PLPPR1: variants seen among roughly 807,000 people sequenced by gnomAD.
The protein encoded by PLPPR1 is phospholipid phosphatase-related protein type 1.
PLPPR1 carries 10 observed loss-of-function variants against 33.1 expected under a neutral mutation model. The observed-to-expected ratio is 0.30, with a 90% CI of 0.19 to 0.51. PLPPR1 has a LOEUF of 0.51. Ranked by LOEUF, PLPPR1 falls within the 20% of genes least tolerant of loss-of-function variation. PLPPR1 has a pLI of 0.97. For missense variants in PLPPR1, 304 were observed against 408.1 expected (o/e 0.74, Z 2.20); for synonymous variants, 151 against 151.0 (o/e 1.00, Z 0.00).
intron 1 of PLPPR1, among the ~76,000 whole-genome samples, chr9:101,108,306 C>T (rs1564146691): frequency 6.6e-6 from 1 of 152,062 alleles, no homozygotes; most frequent in Non-Finnish European, 1.5e-5. Context: ...GTCTATGGAC[C>T]AGGAGTTGTC....
intron 1 of PLPPR1, among the ~76,000 whole-genome samples, chr9:101,146,365 G>C (rs1831521906): frequency 2.6e-5 from 4 of 152,138 alleles, no homozygotes. Flanking sequence ...CCTCTTATAA[G>C]GATACCTGAT....
intron 2 of PLPPR1, among the ~76,000 whole-genome samples, chr9:101,261,609 A>G (rs1827900394): frequency 6.6e-6 from 1 of 152,186 alleles, no homozygotes; most frequent in Non-Finnish European, 1.5e-5. Context: ...ATGCTCAACA[A>G]TGATAGACTG....
At chr9:101,214,509 G>T (rs945255399) in intron 2 of PLPPR1, among the ~76,000 whole-genome samples, 1 of 152,154 alleles carries the variant, frequency 6.6e-6, no homozygotes, top group African/African-American at 2.4e-5. Flanking sequence ...AAAATCTGGA[G>T]CTTAAATTTT....
At chr9:101,193,163 T>C (rs1428954140) in intron 2 of PLPPR1, among the ~76,000 whole-genome samples, 1 of 152,178 alleles carries the variant, frequency 6.6e-6, no homozygotes, top group Non-Finnish European at 1.5e-5. Flanking sequence ...AAAATGGGTC[T>C]GGCACTGGAG....
At chr9:101,067,977 T>C (rs1393683950) in intron 1 of PLPPR1, among the ~76,000 whole-genome samples, 2 of 152,112 alleles carry the variant, frequency 1.3e-5, no homozygotes, top group East Asian at 3.9e-4. Flanking sequence ...AGGCAAAGCA[T>C]ATGCTTAACA....
At chr9:101,234,938 T>C (rs1827269670) in intron 2 of PLPPR1, among the ~76,000 whole-genome samples, 1 of 151,990 alleles carries the variant, frequency 6.6e-6, no homozygotes. Context: ...AGGATTCTAA[T>C]TTCTAAGTTA....
intron 1 of PLPPR1, among the ~76,000 whole-genome samples, chr9:101,172,748 T>C (rs771717240): frequency 1.3e-5 from 2 of 152,116 alleles, no homozygotes; most frequent in Non-Finnish European, 2.9e-5. Flanking sequence ...TTCCCAGCTC[T>C]ATCTACCCAA....
At chr9:101,062,660 G>A (rs1252822436) in intron 1 of PLPPR1, among the ~76,000 whole-genome samples, 6 of 151,992 alleles carry the variant, frequency 3.9e-5, no homozygotes, top group Non-Finnish European at 5.9e-5. Context: ...AATGTAGAGA[G>A]GAAAGGCAAC....
chr9:101,226,086 A>G (rs1421756593), intron 2 of PLPPR1, among the ~76,000 whole-genome samples: 1 of 152,064 alleles, frequency 6.6e-6, no homozygotes, highest in Non-Finnish European at 1.5e-5. Flanking sequence ...ATCACTTTTC[A>G]ATCTAATTTC....
chr9:101,195,794 G>A (rs1376495431), intron 2 of PLPPR1, among the ~76,000 whole-genome samples: 2 of 152,182 alleles, frequency 1.3e-5, no homozygotes, highest in Non-Finnish European at 2.9e-5. Flanking sequence ...CGTGTTCCCT[G>A]TGAATTTCCC....
At chr9:101,156,895 A>T (rs1388526524) in intron 1 of PLPPR1, among the ~76,000 whole-genome samples, 1 of 128,986 alleles carries the variant, frequency 7.8e-6, no homozygotes, top group Admixed American at 7.8e-5. Context: ...CAAGGTTAAG[A>T]TAATAAAGGT....
intron 1 of PLPPR1, among the ~76,000 whole-genome samples, chr9:101,073,267 C>T (rs1449071550): frequency 6.6e-6 from 1 of 152,082 alleles, no homozygotes; most frequent in African/African-American, 2.4e-5. Context: ...GTTTTGCAGC[C>T]AATCTATTGC....
At chr9:101,323,219 G>A (rs1297255108) in intron 7 of PLPPR1, among the ~76,000 whole-genome samples, 2 of 152,264 alleles carry the variant, frequency 1.3e-5, no homozygotes, top group African/African-American at 2.4e-5. Flanking sequence ...AAGATGCTAG[G>A]CACAGTAGCT....
At chr9:101,228,674 G>C (rs541141967) in intron 2 of PLPPR1, among the ~76,000 whole-genome samples, 35 of 152,210 alleles carry the variant, frequency 2.3e-4, no homozygotes, top group Admixed American at 4.6e-4. Flanking sequence ...GGGATGTGAC[G>C]TATTAGGGAA....
Position 101,322,961 on chromosome 9 carries a change from C to G in PLPPR1, c.946-1064C>G, listed in dbSNP as rs1476316140. On this transcript the variant is annotated intron_variant, in intron 7 of 7. Coordinates refer to ENST00000374874, the MANE Select transcript of PLPPR1 (RefSeq NM_207299.2). Reference sequence around the variant, plus strand: ...TTATGTAAGCCACATTTTCTCTAGCCAAAAAAGTTAAACTAAAAACAAACC... The same window carrying G: ...TTATGTAAGCCACATTTTCTCTAGCGAAAAAAGTTAAACTAAAAACAAACC... Among the ~76,000 whole-genome samples the G allele has an allele frequency of 3.2e-4, 49 of 151,942 alleles. 1 individual carries two copies. The highest frequency in any genetic ancestry group is 1.8e-4 in the Non-Finnish European group (12 of 67,988).
In PLPPR1 at chr9:101,324,129, C is replaced by G; in HGVS notation, c.*72C>G. 1.6e-6 allele frequency: 2 copies of G among 1,241,690 alleles called. No individual in the cohort carries two copies. Among genetic ancestry groups the G allele is most frequent in the South Asian group, 2.5e-5 (2 of 78,668 alleles). 76.9% of individuals were successfully genotyped at this position (1,241,690 alleles called of 1,614,324 possible). On this transcript the variant is annotated 3_prime_UTR_variant, in exon 8 of 8. Coordinates refer to ENST00000374874, the MANE Select transcript of PLPPR1 (RefSeq NM_207299.2). ...CTATACTTCAAAACACACAGTTGCT[C>G]AATGTCAAACTGTGATGACAAATAT...
rs185895126 is a variant in PLPPR1 at position 101,150,386 on chromosome 9, A to G, written c.-45-35064A>G. On this transcript the variant is annotated intron_variant, in intron 1 of 7. Coordinates refer to ENST00000374874, the MANE Select transcript of PLPPR1 (RefSeq NM_207299.2). ...TTTGTAGTTTTATGCATAGGTCTCA[A>G]GTTGGTGCCTTTTTGTTTATTAGTT... Among the ~76,000 whole-genome samples, 93 of 152,094 alleles carry G rather than the reference A, an allele frequency of 6.1e-4. 1 individual carries two copies. Among genetic ancestry groups the G allele is most frequent in the African/African-American group, 2.0e-3 (85 of 41,496 alleles).
chr9:101,298,286 C>T (rs1321065312), intron 4 of PLPPR1, among the ~76,000 whole-genome samples: 1 of 152,074 alleles, frequency 6.6e-6, no homozygotes. Flanking sequence ...AATTAAATAC[C>T]AGCCAAGTCT....
intron 2 of PLPPR1, among the ~76,000 whole-genome samples, chr9:101,196,517 T>G (rs757788134): frequency 6.6e-6 from 1 of 152,216 alleles, no homozygotes; most frequent in Middle Eastern, 3.2e-3. Flanking sequence ...AGAGTATTGG[T>G]TTTAAAATTC....
Sources: gnomAD v4.1 joint callset for allele counts (sites outside exome capture counted in the v4.1 genomes callset) on GRCh38, gnomAD v4.1.1 for gene constraint, MANE v1.5 for transcripts, NCBI Gene and HGNC (gene_info 2026-07-23, HGNC 2026-07-21) for gene names.